Variants in MTHFD1L observed in about 807,000 individuals in gnomAD.
MTHFD1L encodes methylenetetrahydrofolate dehydrogenase (NADP+ dependent) 1 like, also known as monofunctional C1-tetrahydrofolate synthase, mitochondrial.
MTHFD1L carries 81 observed loss-of-function variants against 119.5 expected under a neutral mutation model. That is an observed-to-expected ratio of 0.68 (90% CI 0.57 to 0.82). MTHFD1L has a LOEUF of 0.82. MTHFD1L is among the 40% of genes least tolerant of loss of function. The probability of loss-of-function intolerance (pLI) is 0.00; values close to 1 mark genes in which losing one functional copy is unlikely to be tolerated. For missense variants in MTHFD1L, 1,125 were observed against 1,253.4 expected, an observed-to-expected ratio of 0.90 and a Z score of 1.55; for synonymous variants, 430 against 475.2, an observed-to-expected ratio of 0.90 and a Z score of 1.24.
At chr6:151,018,292 G>A (rs1187472447) in intron 24 of MTHFD1L, among the ~76,000 whole-genome samples, 2 of 152,188 alleles carry the variant, frequency 1.3e-5, no homozygotes, top group Non-Finnish European at 2.9e-5. Context: ...AATAGCATAA[G>A]TGAAGAAGAA....
intron 25 of MTHFD1L, among the ~76,000 whole-genome samples, chr6:151,036,762 C>T (rs1409596814): frequency 2.0e-5 from 3 of 152,198 alleles, no homozygotes; most frequent in Admixed American, 2.0e-4. Flanking sequence ...CACCCTTGAC[C>T]TGCTAAACAG....
intron 25 of MTHFD1L, among the ~76,000 whole-genome samples, chr6:151,036,753 A>G (rs907721466): frequency 1.3e-5 from 2 of 152,024 alleles, no homozygotes; most frequent in African/African-American, 4.8e-5. Context: ...AACAATAGTC[A>G]CCCTTGACCT....
intron 24 of MTHFD1L, among the ~76,000 whole-genome samples, chr6:151,020,883 C>A (rs145438732): frequency 2.6e-5 from 4 of 152,186 alleles, no homozygotes; most frequent in African/African-American, 7.2e-5. Flanking sequence ...AATCTACATG[C>A]GCACTTTATT....
At chr6:150,980,039 C>A (rs1268348480) in intron 20 of MTHFD1L, among the ~76,000 whole-genome samples, 1 of 152,022 alleles carries the variant, frequency 6.6e-6, no homozygotes, top group Non-Finnish European at 1.5e-5. Context: ...TTCTCCCAGA[C>A]CTTGCCCTGT....
rs143912499 is a variant in MTHFD1L at position 151,100,520 on chromosome 6, G to T, written c.*32-1006G>T. Among the ~76,000 whole-genome samples the T allele has an allele frequency of 4.6e-3, 707 of 152,150 alleles. 5 individuals are homozygous for T. Among genetic ancestry groups the T allele is most frequent in the African/African-American group, 0.016 (666 of 41,492 alleles). Reference sequence around the variant, plus strand: ...AACTCGCAGGATTTCAGCAGAGTTTGCACTTTCTAGGCCTAAAAGATAAGT... The same window carrying T: ...AACTCGCAGGATTTCAGCAGAGTTTTCACTTTCTAGGCCTAAAAGATAAGT... On this transcript the variant is annotated intron_variant, in intron 27 of 27. Coordinates refer to ENST00000367321, the MANE Select transcript of MTHFD1L (RefSeq NM_015440.5).
rs1178347409 is a variant in MTHFD1L, at chr6:151,013,821, G to C, written c.2307+1G>C. ...TCTTAAGAAAGAATATACAGAGGAG[G>C]TAAGAGGAGCTGTTTAGATGCTTAT... On this transcript the variant is annotated splice_donor_variant, in intron 22 of 27. Coordinates refer to ENST00000367321, the MANE Select transcript of MTHFD1L (RefSeq NM_015440.5). LOFTEE classifies it high-confidence loss of function. 1 of 1,611,834 alleles carries C rather than the reference G, an allele frequency of 6.2e-7. No homozygotes were observed. Among genetic ancestry groups the C allele is most frequent in the Non-Finnish European group, 8.5e-7 (1 of 1,178,418 alleles).
At chr6:150,988,622 C>T (rs1272464714) in intron 20 of MTHFD1L, among the ~76,000 whole-genome samples, 2 of 151,120 alleles carry the variant, frequency 1.3e-5, no homozygotes, top group Non-Finnish European at 3.0e-5. Flanking sequence ...GGGGCGGGAG[C>T]GGGGATGGAG....
chr6:150,964,073 G>A (rs1310288709), intron 18 of MTHFD1L, among the ~76,000 whole-genome samples: 1 of 152,190 alleles, frequency 6.6e-6, no homozygotes, highest in East Asian at 1.9e-4. Context: ...GGAGGCTGAG[G>A]CAGAAGAATC....
intron 20 of MTHFD1L, among the ~76,000 whole-genome samples, chr6:150,995,450 G>T (rs902881381): frequency 4.7e-5 from 7 of 150,168 alleles, no homozygotes; most frequent in Non-Finnish European, 7.4e-5. Context: ...GGAGGCGGAG[G>T]TGGCGGTGAG....
intron 7 of MTHFD1L, among the ~76,000 whole-genome samples, chr6:150,893,095 C>T (rs1783605119): frequency 6.6e-6 from 1 of 152,138 alleles, no homozygotes. Flanking sequence ...GACAGAGGCT[C>T]ACTCTGTTAC....
At position 151,005,706 on chromosome 6, in the gene MTHFD1L, G is replaced by A. The variant is rs188341497; in HGVS notation, c.2126-4113G>A. ...GGAGAATCAATTGAACCCAGGAGAC[G>A]GAGGTTGCAGTGAGCTGTGATCGTG... On this transcript the variant is annotated intron_variant, in intron 20 of 27. Transcript: ENST00000367321. Among the ~76,000 whole-genome samples, 683 of 152,230 alleles carry A rather than the reference G, an allele frequency of 4.5e-3. 3 individuals are homozygous for A. The highest frequency in any genetic ancestry group is 5.8e-3 in the Admixed American group (88 of 15,288).
intron 16 of MTHFD1L, among the ~76,000 whole-genome samples, chr6:150,952,818 G>A (rs803464): frequency 0.33 from 49,975 of 152,042 alleles, 8,458 homozygotes; most frequent in South Asian, 0.51. Flanking sequence ...GTGAGCCACC[G>A]CGTCCAGCAG....
intron 6 of MTHFD1L, 130 bp from the exon 7 acceptor site, chr6:150,887,715 C>A: frequency 1.0e-6 from 1 of 978,492 alleles, no homozygotes. Context: ...CCTCAGCCTC[C>A]CAAAGTGCTG....
intron 27 of MTHFD1L, chr6:151,099,532 G>A (rs535365729): frequency 1.1e-5 from 18 of 1,599,698 alleles, no homozygotes; most frequent in East Asian, 8.9e-5. Context: ...CATCTTGGCC[G>A]CCCTCAGACC....
chr6:151,026,820 CTTTTTTTT>C (rs1158007442), intron 24 of MTHFD1L, among the ~76,000 whole-genome samples: 7 of 51,284 alleles, frequency 1.4e-4, no homozygotes, highest in South Asian at 2.3e-3. Flanking sequence ...CCTTTCTATC[CTTTTTTTT>C]TTTTTTTTTT....
chr6:150,996,507 C>A (rs1779825709), intron 20 of MTHFD1L, among the ~76,000 whole-genome samples: 1 of 152,060 alleles, frequency 6.6e-6, no homozygotes, highest in African/African-American at 2.4e-5. Flanking sequence ...GCAGAAAAAC[C>A]CCCTGTTTAG....
At position 150,926,411 on chromosome 6, in the gene MTHFD1L, C is replaced by A. The variant is rs1320929112; in HGVS notation, c.1256+116C>A. ...CCTATTCTCACATTTGACATTTCGT[C>A]CATTTCATTTGGCATTTCTTTATTT... On this transcript the variant is annotated intron_variant, in intron 11 of 27. Coordinates refer to ENST00000367321, the MANE Select transcript of MTHFD1L (RefSeq NM_015440.5). The surrounding 1 kb of genome is among the most constrained non-coding windows in gnomAD (Gnocchi z 4.3). 4.0e-6 allele frequency: 4 copies of A among 1,009,696 alleles called. No individual in the cohort carries two copies. Among genetic ancestry groups the A allele is most frequent in the Non-Finnish European group, 5.6e-6 (4 of 711,196 alleles). 62.5% of individuals were successfully genotyped at this position (1,009,696 alleles called of 1,614,324 possible).
At chr6:150,871,227 G>A (rs1779432927) in intron 1 of MTHFD1L, among the ~76,000 whole-genome samples, 1 of 147,900 alleles carries the variant, frequency 6.8e-6, no homozygotes. Flanking sequence ...CCAGTGATCT[G>A]GTGGAGGATT....
At chr6:150,905,395 C>G (rs1748513339) in intron 7 of MTHFD1L, among the ~76,000 whole-genome samples, 1 of 152,158 alleles carries the variant, frequency 6.6e-6, no homozygotes, top group African/African-American at 2.4e-5. Flanking sequence ...ATACTCCATG[C>G]AGTATGTATG....
Sources: gnomAD v4.1 joint callset for allele counts (sites outside exome capture counted in the v4.1 genomes callset) on GRCh38, gnomAD v4.1.1 for gene constraint, Gnocchi (gnomAD v3.1) non-coding constraint, MANE v1.5 for transcripts, NCBI Gene and HGNC (gene_info 2026-07-23, HGNC 2026-07-21) for gene names.